The following AMOTL1 variants were observed in gnomAD, a reference collection of about 807,000 sequenced individuals.
AMOTL1 encodes the protein angiomotin-like protein 1.
Under a neutral mutation model 102.9 loss-of-function variants are expected in AMOTL1, and 45 were observed. That is an observed-to-expected ratio of 0.44 (90% confidence interval 0.34 to 0.56). The LOEUF (loss-of-function observed/expected upper bound fraction) is 0.56, where lower values mean the gene tolerates loss of function less well. Ranked by LOEUF, AMOTL1 falls within the 20% of genes least tolerant of loss-of-function variation. The probability of loss-of-function intolerance (pLI) is 0.01; values close to 1 mark genes in which losing one functional copy is unlikely to be tolerated. For missense variants in AMOTL1, 1,114 were observed against 1,225.6 expected (o/e 0.91, Z 1.36); for synonymous variants, 481 against 484.7 (o/e 0.99, Z 0.10).
chr11:94,791,492 T>G (rs562792042), intron 1 of AMOTL1, among the ~76,000 whole-genome samples: 22 of 152,352 alleles, frequency 1.4e-4, no homozygotes, highest in African/African-American at 5.1e-4. Context: ...TTGAAAGAGA[T>G]ATCTAAAAGT....
intron 6 of AMOTL1, among the ~76,000 whole-genome samples, chr11:94,843,286 C>T (rs1256521474): frequency 6.6e-6 from 1 of 152,176 alleles, no homozygotes; most frequent in Non-Finnish European, 1.5e-5. Flanking sequence ...ATAGATCACT[C>T]GTATGTGTTG....
chr11:94,749,382 A>G (rs529594800), intron 3 of AMOTL1, among the ~76,000 whole-genome samples: 1 of 152,286 alleles, frequency 6.6e-6, no homozygotes, highest in African/African-American at 2.4e-5. Flanking sequence ...GGCCAATTGG[A>G]TGGTGCCTAT....
At chr11:94,864,017 C>G (rs1322529665) in intron 9 of AMOTL1, among the ~76,000 whole-genome samples, 1 of 152,130 alleles carries the variant, frequency 6.6e-6, no homozygotes, top group Non-Finnish European at 1.5e-5. Context: ...GCCCATAAAA[C>G]AAGAAGTGAG....
intron 3 of AMOTL1, among the ~76,000 whole-genome samples, chr11:94,741,411 G>A (rs1950525552): frequency 6.6e-6 from 1 of 152,204 alleles, no homozygotes; most frequent in Admixed American, 6.5e-5. Context: ...GAAGGACGTC[G>A]TGTGGGTCGT....
intron 3 of AMOTL1, among the ~76,000 whole-genome samples, chr11:94,809,158 A>T (rs1269532855): frequency 6.6e-6 from 1 of 151,802 alleles, no homozygotes; most frequent in Admixed American, 6.6e-5. Flanking sequence ...TTTAGTAGAG[A>T]TGGAGTTTTA....
In AMOTL1 at chr11:94,873,932, A is replaced by C. The variant is rs1447133098; in HGVS notation, c.*3137A>C. The C allele has an allele frequency of 6.6e-6, 1 of 152,242 alleles. No individual in the cohort carries two copies. The highest frequency in any genetic ancestry group is 2.4e-5 in the African/African-American group (1 of 41,466). The allele number at this position is 152,242 out of a possible 1,614,324, so 9.4% of individuals were successfully genotyped here. A position where few individuals can be genotyped will look rare whatever the true frequency, so the allele number is the denominator to read the frequency against. On this transcript the variant is annotated 3_prime_UTR_variant, in exon 13 of 13. Transcript: ENST00000433060. ...TCCACCAGAAGCACAGCTCCAAACT[A>C]TACCTAAAAAATATTTCTGCACTTC...
chr11:94,840,472 G>A (rs1287014030), intron 6 of AMOTL1, among the ~76,000 whole-genome samples: 8 of 151,860 alleles, frequency 5.3e-5, no homozygotes, highest in Non-Finnish European at 1.2e-4. Flanking sequence ...AGTGGGAGGG[G>A]TTACAGAAGT....
chr11:94,864,714 C>T (rs777289063), intron 9 of AMOTL1, 21 bp from the exon 10 acceptor site: 36 of 1,609,730 alleles, frequency 2.2e-5, no homozygotes, highest in South Asian at 1.3e-4. Flanking sequence ...TATGATCAAA[C>T]GCATATCCTT....
At chr11:94,811,652 C>G (rs1951684688) in intron 3 of AMOTL1, among the ~76,000 whole-genome samples, 1 of 151,778 alleles carries the variant, frequency 6.6e-6, no homozygotes, top group Non-Finnish European at 1.5e-5. Context: ...TAGAGCTGGT[C>G]AAACCCAATA....
At chr11:94,728,121 T>G (rs1330086851) in intron 1 of AMOTL1, among the ~76,000 whole-genome samples, 2 of 152,218 alleles carry the variant, frequency 1.3e-5, no homozygotes, top group Admixed American at 1.3e-4. Context: ...GAATCAGTCA[T>G]GTTCAATTAC....
chr11:94,726,607 T>C (rs1011340488), intron 1 of AMOTL1, among the ~76,000 whole-genome samples: 1 of 152,184 alleles, frequency 6.6e-6, no homozygotes, highest in African/African-American at 2.4e-5. Context: ...GGTTGCATTA[T>C]GTTTTTCATT....
Position 94,870,839 on chromosome 11 carries a change from G to T in AMOTL1, c.*44G>T. 6.7e-7 allele frequency: 1 copy of T among 1,485,928 alleles called. No homozygotes were observed. The highest frequency in any genetic ancestry group is 9.1e-7 in the Non-Finnish European group (1 of 1,095,220). 92.0% of individuals were successfully genotyped at this position (1,485,928 alleles called of 1,614,324 possible). On this transcript the variant is annotated 3_prime_UTR_variant, in exon 13 of 13. Coordinates refer to ENST00000433060, the MANE Select transcript of AMOTL1 (RefSeq NM_130847.3). ...TTCAGTACAGAACACTGACAAACAA[G>T]GAAAGCGGCAGAGAAAGAAGAAAGA...
chr11:94,829,774 C>A (rs966770884), intron 4 of AMOTL1, among the ~76,000 whole-genome samples: 3 of 151,898 alleles, frequency 2.0e-5, no homozygotes, highest in East Asian at 1.9e-4. Context: ...TTAGATTTAC[C>A]CCTTTCTAAT....
At chr11:94,841,389 T>C (rs1592023110) in intron 6 of AMOTL1, among the ~76,000 whole-genome samples, 1 of 151,944 alleles carries the variant, frequency 6.6e-6, no homozygotes, top group Non-Finnish European at 1.5e-5. Context: ...AAAGCAGAGG[T>C]TGTAGTGAGC....
chr11:94,740,419 G>T (rs1449685540), intron 2 of AMOTL1: 3 of 152,256 alleles, frequency 2.0e-5, no homozygotes, highest in South Asian at 4.1e-4. Flanking sequence ...GGGAGGCCGC[G>T]CGCGCCTCTG....
At chr11:94,715,752 G>A (rs1324429346) in intron 1 of AMOTL1, among the ~76,000 whole-genome samples, 1 of 152,048 alleles carries the variant, frequency 6.6e-6, no homozygotes, top group African/African-American at 2.4e-5. Context: ...TGTAGGTAAT[G>A]CATCATTTCT....
At chr11:94,719,645 A>G (rs767085460) in intron 1 of AMOTL1, among the ~76,000 whole-genome samples, 1 of 152,094 alleles carries the variant, frequency 6.6e-6, no homozygotes, top group Non-Finnish European at 1.5e-5. Context: ...GAGGACACAT[A>G]AAAAACTGCA....
At chr11:94,863,859 T>C (rs1392889847) in intron 9 of AMOTL1, among the ~76,000 whole-genome samples, 1 of 152,230 alleles carries the variant, frequency 6.6e-6, no homozygotes, top group African/African-American at 2.4e-5. Context: ...ATGCTTGCAG[T>C]GAAACTGCTT....
chr11:94,746,797 C>T (rs1034803639), intron 3 of AMOTL1, among the ~76,000 whole-genome samples: 1 of 152,098 alleles, frequency 6.6e-6, no homozygotes, highest in African/African-American at 2.4e-5. Flanking sequence ...AATCACATCT[C>T]AAGTGATTTC....
Sources: gnomAD v4.1 joint callset for allele counts (sites outside exome capture counted in the v4.1 genomes callset) on GRCh38, gnomAD v4.1.1 for gene constraint, MANE v1.5 for transcripts, NCBI Gene and HGNC (gene_info 2026-07-23, HGNC 2026-07-21) for gene names.